Variants in IRX4 observed in about 807,000 individuals in gnomAD.
IRX4 encodes iroquois-class homeodomain protein IRX-4.
A neutral mutation model predicts 32.0 loss-of-function variants in IRX4; 22 were observed. That is an observed-to-expected ratio of 0.69 (90% confidence interval 0.49 to 0.98). The LOEUF is 0.98. Among genes scored for constraint, IRX4 ranks in the 50% least tolerant of loss-of-function variants. The probability of loss-of-function intolerance (pLI) is 0.00; values close to 1 mark genes in which losing one functional copy is unlikely to be tolerated. For missense variants in IRX4, 840 were observed against 744.2 expected (o/e 1.13, Z -1.50); for synonymous variants, 379 against 351.7 (o/e 1.08, Z -0.87).
In IRX4 at chr5:1,877,803, C is replaced by A. The variant is rs1224288753; in HGVS notation, c.*166G>T. The stretch of plus-strand genomic sequence containing the variant: ...GGCGGTGGAGGCCCCGGCGTGGCAG[C>A]GCCGGGCTTGTCCATGTTCCCAGGA... On this transcript the variant is annotated 3_prime_UTR_variant, in exon 5 of 5. Coordinates refer to ENST00000231357, the MANE Select transcript of IRX4 (RefSeq NM_016358.3). 1.2e-5 allele frequency: 8 copies of A among 665,688 alleles called. No homozygotes were observed. The highest frequency in any genetic ancestry group is 1.9e-5 in the Non-Finnish European group (8 of 418,504). 41.2% of individuals were successfully genotyped at this position (665,688 alleles called of 1,614,324 possible). A position where few individuals can be genotyped will look rare whatever the true frequency, so the allele number is the denominator to read the frequency against.
chr5:1,879,836 G>A lies in IRX4; in HGVS notation c.408-4C>T. ...GCCGCTGTCCATGGTTCCATACCTG[G>A]AGACAGGCTCTGCAATGGGCTCAGG... is the stretch of plus-strand genomic sequence containing the variant. On this transcript the variant is annotated splice_polypyrimidine_tract_variant and splice_region_variant and intron_variant, in intron 3 of 4. Transcript: ENST00000231357. 1.2e-6 allele frequency: 2 copies of A among 1,613,688 alleles called. No individual in the cohort carries two copies. Among genetic ancestry groups the A allele is most frequent in the African/African-American group, 1.3e-5 (1 of 75,068 alleles).
chr5:1,878,692 G>A lies in IRX4; in HGVS notation c.837C>T (p.Phe279=). The A allele has an allele frequency of 6.2e-7, 1 of 1,609,942 alleles. No individual in the cohort carries two copies. The highest frequency in any genetic ancestry group is 8.5e-7 in the Non-Finnish European group (1 of 1,178,906). Residue 279 remains phenylalanine, a synonymous_variant, in exon 5 of 5, where the codon TTC becomes TTT. Transcript: ENST00000231357. Reference sequence around the variant, plus strand: ...GCTCCAGACCGCCGTCCAGGGAGTGGAAGGGCGGCTTCAGCTCGCACGCCG... The same window carrying A: ...GCTCCAGACCGCCGTCCAGGGAGTGAAAGGGCGGCTTCAGCTCGCACGCCG... The part of the protein sequence containing the change: ...EPPACELKPP[F]HSLDGGLERV...
chr5:1,886,829 C>G (rs993789874), upstream of IRX4: 2 of 152,120 alleles, frequency 1.3e-5, no homozygotes, highest in African/African-American at 4.8e-5. Flanking sequence ...GAGCAATCCT[C>G]GCAAAGTTTG....
At chr5:1,885,466 C>T (rs1378478710), upstream of IRX4, among the ~76,000 whole-genome samples, 4 of 152,206 alleles carry the variant, frequency 2.6e-5, no homozygotes, top group Non-Finnish European at 5.9e-5. Context: ...GCCTCTGAAT[C>T]GGCTTTCCCA....
rs776518824 is a variant in IRX4, at chr5:1,879,776, C to G, written c.464G>C (p.Ser155Thr). 1.2e-6 allele frequency: 2 copies of G among 1,614,172 alleles called. No individual in the cohort carries two copies. The highest frequency in any genetic ancestry group is 8.5e-7 in the Non-Finnish European group (1 of 1,180,032). Residue 155 changes from serine to threonine, a missense_variant, in exon 4 of 5, where the codon AGC becomes ACC. By Grantham distance (58) the Ser-to-Thr change is moderately conservative. Coordinates refer to ENST00000231357, the MANE Select transcript of IRX4 (RefSeq NM_016358.3). The part of the protein sequence containing the change: ...RRKNATRETT[S>T]TLKAWLQEHR... ...CTCCTGCAGCCAGGCCTTGAGCGTG[C>G]TGGTGGTCTCGCGCGTGGCGTTCTT...
intron 1 of IRX4, 76 bp from the exon 2 acceptor site, chr5:1,882,135 G>C: frequency 6.8e-7 from 1 of 1,480,072 alleles, no homozygotes; most frequent in Admixed American, 2.5e-5. Context: ...AATCCCGCGC[G>C]CCGCCCACGA....
chr5:1,883,870 G>C (rs1486521595), upstream of IRX4: 1 of 152,138 alleles, frequency 6.6e-6, no homozygotes, highest in Non-Finnish European at 1.5e-5. Flanking sequence ...CCCAGGCCCC[G>C]GCCCCTCCCG....
intron 4 of IRX4, 72 bp downstream of exon 4, chr5:1,879,432 C>G (rs1487658666): frequency 6.8e-6 from 11 of 1,608,396 alleles, no homozygotes; most frequent in Non-Finnish European, 9.3e-6. Context: ...CCCAAGACGT[C>G]CTAGAACCGC....
In IRX4 at chr5:1,879,591, C is replaced by A. The variant is rs753385487; in HGVS notation, c.649G>T (p.Glu217Ter). The change falls in exon 4 of 5, where the codon GAG (glutamate) becomes TAG (stop). Residue 217 changes from glutamate to a stop codon, truncating the protein, a stop_gained. Transcript: ENST00000231357. LOFTEE classifies it high-confidence loss of function. ...TWPPRNKCAD[E>*]KRPYAEGEEE... ...TCGCCCTCCGCGTAGGGCCGCTTCT[C>A]GTCTGCGCACTTGTTCCGCGGCGGC... The A allele has an allele frequency of 1.2e-6, 2 of 1,613,838 alleles. No individual in the cohort carries two copies. Among genetic ancestry groups the A allele is most frequent in the African/African-American group, 2.7e-5 (2 of 74,944 alleles).
chr5:1,885,268 T>C (rs370536370), upstream of IRX4, among the ~76,000 whole-genome samples: 1 of 152,224 alleles, frequency 6.6e-6, no homozygotes, highest in Middle Eastern at 3.2e-3. Context: ...ATTCATCTTC[T>C]GAGCAGAGTC....
In IRX4 at chr5:1,882,805, T is replaced by C. The variant is rs182247232; in HGVS notation, c.-158A>G. 77 of 425,424 alleles carry C rather than the reference T, an allele frequency of 1.8e-4. No individual in the cohort carries two copies. The highest frequency in any genetic ancestry group is 1.5e-3 in the African/African-American group (71 of 48,708). The allele number at this position is 425,424 out of a possible 1,614,324, so 26.4% of individuals were successfully genotyped here. On this transcript the variant is annotated 5_prime_UTR_variant, in exon 1 of 5. Coordinates refer to ENST00000231357, the MANE Select transcript of IRX4 (RefSeq NM_016358.3). ...CATCCCCGCGCTCCGCAAACTTTTC[T>C]AACCGGGTAACAAAGTGAGCAGCGG...
chr5:1,882,648 G>A lies in IRX4; in HGVS notation c.-1C>T. 2 of 1,400,182 alleles carry A rather than the reference G, an allele frequency of 1.4e-6. No individual in the cohort carries two copies. The highest frequency in any genetic ancestry group is 9.3e-7 in the Non-Finnish European group (1 of 1,078,232). 86.7% of individuals were successfully genotyped at this position (1,400,182 alleles called of 1,614,324 possible). A position where few individuals can be genotyped will look rare whatever the true frequency, so the allele number is the denominator to read the frequency against. ...GGTATCCAAACTGCGGGTAGGACATGGCGGGCGCGGCCCGGGGCGGACGGG... is the reference window on the plus strand; with the variant it reads ...GGTATCCAAACTGCGGGTAGGACATAGCGGGCGCGGCCCGGGGCGGACGGG... On this transcript the variant is annotated 5_prime_UTR_variant, in exon 1 of 5. Coordinates refer to ENST00000231357, the MANE Select transcript of IRX4 (RefSeq NM_016358.3).
rs112855242 is a variant in IRX4 at position 1,878,515 on chromosome 5, C to T, written c.1014G>A (p.Pro338=). 4 of 1,434,974 alleles carry T rather than the reference C, an allele frequency of 2.8e-6. No individual in the cohort carries two copies. The highest frequency in any genetic ancestry group is 5.7e-5 in the Admixed American group (2 of 34,796). The allele number at this position is 1,434,974 out of a possible 1,614,324, so 88.9% of individuals were successfully genotyped here. The change falls in exon 5 of 5, where the codon CCG becomes CCA. Residue 338 remains proline (P), a synonymous_variant. Coordinates refer to ENST00000231357, the MANE Select transcript of IRX4 (RefSeq NM_016358.3). The stretch of plus-strand genomic sequence containing the variant: ...AGACCTGAGGGCCGCCCTCTGCGCC[C>T]GGCAGTGGCTCCGGCCCGGCCGCCG... The part of the protein sequence containing the change: ...RSAAAGPEPL[P]GAEGGPQVCE...
Position 1,878,478 on chromosome 5 carries a change from G to C in IRX4, c.1051C>G (p.Leu351Val). Residue 351 changes from leucine (L) to valine (V), a missense_variant, in exon 5 of 5, where the codon CTG becomes GTG. Transcript: ENST00000231357. Reference sequence around the variant, plus strand: ...GACGCCCCCGCCGGCACAAACCCCAGCTTGGCCTCGCAGACCTGAGGGCCG... The same window carrying C: ...GACGCCCCCGCCGGCACAAACCCCACCTTGGCCTCGCAGACCTGAGGGCCG... ...EGGPQVCEAKLGFVPAGASAG... is the reference protein window; with the variant it reads ...EGGPQVCEAKVGFVPAGASAG... 2 of 1,447,220 alleles carry C rather than the reference G, an allele frequency of 1.4e-6. No individual in the cohort carries two copies. The highest frequency in any genetic ancestry group is 1.8e-6 in the Non-Finnish European group (2 of 1,106,682). 89.6% of individuals were successfully genotyped at this position (1,447,220 alleles called of 1,614,324 possible).
At chr5:1,882,539 C>T (rs1735488988) in intron 1 of IRX4, 64 bp downstream of exon 1, 5 of 1,370,390 alleles carry the variant, frequency 3.6e-6, no homozygotes, top group East Asian at 5.5e-5. Flanking sequence ...CCCCACCCCC[C>T]GTCCCCGCCC....
Position 1,878,516 on chromosome 5 carries a change from G to T in IRX4, c.1013C>A (p.Pro338Gln). 7.0e-7 allele frequency: 1 copy of T among 1,434,952 alleles called. No homozygotes were observed. The highest frequency in any genetic ancestry group is 9.1e-7 in the Non-Finnish European group (1 of 1,101,750). 88.9% of individuals were successfully genotyped at this position (1,434,952 alleles called of 1,614,324 possible). ...GACCTGAGGGCCGCCCTCTGCGCCC[G>T]GCAGTGGCTCCGGCCCGGCCGCCGC... ...RSAAAGPEPL[P>Q]GAEGGPQVCE... Residue 338 changes from proline (P) to glutamine (Q), a missense_variant, in exon 5 of 5, where the codon CCG (proline) becomes CAG (glutamine). Transcript: ENST00000231357.
chr5:1,881,737 T>C (rs1735447238), intron 2 of IRX4, 71 bp downstream of exon 2: 10 of 1,537,400 alleles, frequency 6.5e-6, no homozygotes, highest in African/African-American at 4.1e-5. Flanking sequence ...CTGGCGCGCC[T>C]ACTGGGGCAA....
chr5:1,881,753 G>T, intron 2 of IRX4, 55 bp downstream of exon 2: 1 of 1,553,450 alleles, frequency 6.4e-7, no homozygotes, highest in Non-Finnish European at 8.7e-7. Context: ...GGCAAAAGTG[G>T]GCTTGGCAAA....
upstream of IRX4, among the ~76,000 whole-genome samples, chr5:1,885,114 G>C (rs1735586642): frequency 2.0e-5 from 3 of 152,286 alleles, no homozygotes; most frequent in South Asian, 6.2e-4. Context: ...GGGAGAGCCA[G>C]GGCCCAGGGG....
Sources: gnomAD v4.1 joint callset for allele counts (sites outside exome capture counted in the v4.1 genomes callset) on GRCh38, gnomAD v4.1.1 for gene constraint, MANE v1.5 for transcripts, NCBI Gene and HGNC (gene_info 2026-07-23, HGNC 2026-07-21) for gene names.